The following DOCK10 variants were observed in gnomAD, a reference collection of about 807,000 sequenced individuals.
DOCK10 encodes the protein dedicator of cytokinesis 10.
DOCK10 carries 145 observed loss-of-function variants against 280.1 expected under a neutral mutation model. The observed-to-expected ratio is 0.52, with a 90% CI of 0.45 to 0.59. The LOEUF (loss-of-function observed/expected upper bound fraction) is 0.59. Ranked by LOEUF, DOCK10 falls within the 20% of genes least tolerant of loss-of-function variation. The pLI is 0.00. For missense variants in DOCK10, 2,368 were observed against 2,651.7 expected (o/e 0.89, Z 2.35); for synonymous variants, 915 against 942.2 (o/e 0.97, Z 0.53).
intron 44 of DOCK10, among the ~76,000 whole-genome samples, chr2:224,796,021 CAA>C (rs1242726135): frequency 1.5e-5 from 2 of 131,710 alleles, no homozygotes; most frequent in African/African-American, 5.4e-5. Flanking sequence ...GCTCAAAGCT[CAA>C]AGTCTCAATA....
intron 39 of DOCK10, among the ~76,000 whole-genome samples, chr2:224,802,278 G>A (rs1484777087): frequency 1.1e-4 from 17 of 152,044 alleles, no homozygotes; most frequent in African/African-American, 2.9e-4. Flanking sequence ...AGAATAACAG[G>A]TCATTGAGTG....
intron 22 of DOCK10, among the ~76,000 whole-genome samples, chr2:224,843,114 C>T (rs1263340785): frequency 1.3e-5 from 2 of 152,010 alleles, no homozygotes; most frequent in African/African-American, 4.8e-5. Context: ...CCCCATATTG[C>T]GGGGAGTGTC....
intron 1 of DOCK10, among the ~76,000 whole-genome samples, chr2:225,004,423 G>T (rs1274986852): frequency 6.6e-6 from 1 of 152,224 alleles, no homozygotes; most frequent in East Asian, 1.9e-4. Context: ...AGGGAGTGTG[G>T]CCCTGCTGAC....
At position 224,791,628 on chromosome 2, in the gene DOCK10, C is replaced by A. The variant is rs1692202393; in HGVS notation, c.5311+1346G>T. Among the ~76,000 whole-genome samples the A allele has an allele frequency of 2.4e-5, 3 of 125,878 alleles. No homozygotes were observed. In the South Asian group the frequency reaches 9.4e-4, roughly 39 times the overall value. The allele number at this position is 125,878 out of a possible 152,430, so 82.6% of individuals were successfully genotyped here. On this transcript the variant is annotated intron_variant, in intron 47 of 55. Coordinates refer to ENST00000258390, the MANE Select transcript of DOCK10 (RefSeq NM_014689.3). ...TATAGGCACCTGCCACCACGCCCGG[C>A]TAATTTTTTTTTTTTTTTTGTATTT...
intron 33 of DOCK10, 163 bp downstream of exon 33, chr2:224,807,505 T>G (rs1291192949): frequency 1.8e-6 from 1 of 542,540 alleles, no homozygotes; most frequent in African/African-American, 1.9e-5. Context: ...TAAAGGGACC[T>G]ATCTGGAACA....
At chr2:225,007,581 A>G (rs937534621) in intron 1 of DOCK10, among the ~76,000 whole-genome samples, 2 of 152,228 alleles carry the variant, frequency 1.3e-5, no homozygotes, top group East Asian at 1.9e-4. Flanking sequence ...TTGGGCATCA[A>G]TATAAACCAA....
chr2:224,784,841 A>G (rs1223271523), intron 50 of DOCK10: 2 of 1,096,994 alleles, frequency 1.8e-6, no homozygotes, highest in South Asian at 1.3e-5. Flanking sequence ...TAGAGCCCAT[A>G]TCTCATATAT....
At chr2:224,817,457 T>C (rs773239520) in intron 29 of DOCK10, among the ~76,000 whole-genome samples, 3 of 152,190 alleles carry the variant, frequency 2.0e-5, no homozygotes, top group Non-Finnish European at 4.4e-5. Context: ...ATAAAATATA[T>C]CCCATTTACT....
At chr2:224,835,807 G>A (rs1318967401) in intron 25 of DOCK10, among the ~76,000 whole-genome samples, 1 of 152,198 alleles carries the variant, frequency 6.6e-6, no homozygotes, top group Non-Finnish European at 1.5e-5. Context: ...TTATAAAATT[G>A]TTATCAGCCT....
chr2:224,800,981 C>T (rs1692948294), intron 40 of DOCK10, among the ~76,000 whole-genome samples: 1 of 152,032 alleles, frequency 6.6e-6, no homozygotes, highest in Non-Finnish European at 1.5e-5. Context: ...CAAAGATTTT[C>T]TGATTGGCGA....
intron 26 of DOCK10, among the ~76,000 whole-genome samples, chr2:224,831,301 T>G (rs1022820093): frequency 4.3e-4 from 66 of 152,084 alleles, no homozygotes; most frequent in African/African-American, 1.4e-3. Flanking sequence ...AGGGTGAAAA[T>G]GGAAGGTCAT....
In DOCK10 at chr2:224,940,602, G is replaced by GA. The variant is rs528584382; in HGVS notation, c.124-8935dup. On this transcript the variant is annotated intron_variant, in intron 1 of 55. Transcript: ENST00000258390. Reference sequence around the variant, plus strand: ...AAGCATCCTGAAAATGGGGGCTTAAGAACCTTCCTGGTTCTCCAGGGAAAT... The same window carrying GA: ...AAGCATCCTGAAAATGGGGGCTTAAGAAACCTTCCTGGTTCTCCAGGGAAAT... 3.8e-3 allele frequency among the ~76,000 whole-genome samples: 574 copies of GA among 152,302 alleles called. 10 individuals are homozygous for GA. Among genetic ancestry groups the GA allele is most frequent in the African/African-American group, 0.013 (549 of 41,564 alleles).
At chr2:224,795,830 T>C (rs1160905663) in intron 44 of DOCK10, among the ~76,000 whole-genome samples, 1 of 152,134 alleles carries the variant, frequency 6.6e-6, no homozygotes, top group Non-Finnish European at 1.5e-5. Context: ...AAAGATAAGA[T>C]GAATTTTCCC....
At chr2:225,000,346 C>G (rs974260873) in intron 1 of DOCK10, among the ~76,000 whole-genome samples, 1 of 152,118 alleles carries the variant, frequency 6.6e-6, no homozygotes, top group Admixed American at 6.6e-5. Context: ...AAGGAAAGAA[C>G]CGCTGGGGAT....
intron 1 of DOCK10, among the ~76,000 whole-genome samples, chr2:224,932,056 T>A (rs1702416427): frequency 6.6e-6 from 1 of 152,224 alleles, no homozygotes; most frequent in African/African-American, 2.4e-5. Context: ...CTGAATTAGA[T>A]ACTTCCTCAT....
intron 1 of DOCK10, among the ~76,000 whole-genome samples, chr2:224,951,661 T>C (rs1257275259): frequency 6.6e-6 from 1 of 152,234 alleles, no homozygotes; most frequent in African/African-American, 2.4e-5. Flanking sequence ...CCTCCATTTA[T>C]GATCTGTTTT....
chr2:224,880,298 T>C (rs1051920491), intron 7 of DOCK10, among the ~76,000 whole-genome samples: 3 of 152,156 alleles, frequency 2.0e-5, no homozygotes, highest in Non-Finnish European at 4.4e-5. Flanking sequence ...TCAAGAGAAA[T>C]AGAACCATTT....
At chr2:224,860,227 G>GGATTGTCA (rs1214875717) in intron 14 of DOCK10, among the ~76,000 whole-genome samples, 5 of 152,086 alleles carry the variant, frequency 3.3e-5, no homozygotes. Flanking sequence ...CTTCAAAGCA[G>GGATTGTCA]GATTGTCACT....
At chr2:224,896,000 T>C (rs1222649065) in intron 4 of DOCK10, among the ~76,000 whole-genome samples, 3 of 152,160 alleles carry the variant, frequency 2.0e-5, no homozygotes, top group Non-Finnish European at 4.4e-5. Flanking sequence ...TCTAATCTTC[T>C]TGTGCCTGCT....
Sources: allele counts gnomAD v4.1 joint callset (sites outside exome capture counted in the v4.1 genomes callset), GRCh38; gene constraint gnomAD v4.1.1; transcripts MANE v1.5; gene names NCBI Gene and HGNC (gene_info 2026-07-23, HGNC 2026-07-21).